RAD51C: variants seen among roughly 807,000 people sequenced by gnomAD.
The protein encoded by RAD51C is RAD51 paralog C, also known as DNA repair protein RAD51 homolog 3.
RAD51C carries 42 observed loss-of-function variants against 45.0 expected under a neutral mutation model. That is an observed-to-expected ratio of 0.93 (90% CI 0.73 to 1.21). RAD51C has a LOEUF of 1.21. Among genes scored for constraint, RAD51C ranks in the 50% most tolerant of loss-of-function variants. The pLI, the probability that RAD51C is intolerant of heterozygous loss-of-function variation, is 0.00. For missense variants in RAD51C, 474 were observed against 452.2 expected (o/e 1.05, Z -0.44); for synonymous variants, 172 against 159.8 (o/e 1.08, Z -0.58).
chr17:58,720,867 TC>T, intron 6 of RAD51C, 55 bp downstream of exon 6: 1 of 1,412,348 alleles, frequency 7.1e-7, no homozygotes, highest in Non-Finnish European at 9.9e-7. Flanking sequence ...CTTATCTCTT[TC>T]ATTTGATTCT....
chr17:58,718,044 T>C (rs1364589209), intron 5 of RAD51C, among the ~76,000 whole-genome samples: 3 of 152,196 alleles, frequency 2.0e-5, no homozygotes, highest in Admixed American at 2.0e-4. Flanking sequence ...TTGCCCAGGC[T>C]GGAGCGCAAT....
At chr17:58,726,414 GAT>G (rs1250932257) in intron 7 of RAD51C, among the ~76,000 whole-genome samples, 2 of 116,614 alleles carry the variant, frequency 1.7e-5, no homozygotes, top group Non-Finnish European at 1.7e-5. Context: ...TATATATATA[GAT>G]TATATGTATA....
intron 7 of RAD51C, among the ~76,000 whole-genome samples, chr17:58,724,421 T>G (rs138858961): frequency 2.0e-4 from 30 of 150,976 alleles, no homozygotes; most frequent in African/African-American, 6.4e-4. Flanking sequence ...GAGTACTCTG[T>G]GTTCCTGGAA....
At chr17:58,721,255 C>T (rs1357811903) in intron 6 of RAD51C, among the ~76,000 whole-genome samples, 1 of 152,114 alleles carries the variant, frequency 6.6e-6, no homozygotes, top group Non-Finnish European at 1.5e-5. Flanking sequence ...GCACTCCAGC[C>T]TGGGGGACAG....
chr17:58,695,316 TAAAC>T, intron 2 of RAD51C, 127 bp downstream of exon 2: 1 of 1,420,496 alleles, frequency 7.0e-7, no homozygotes, highest in Non-Finnish European at 9.2e-7. Context: ...GTATGTGCAT[TAAAC>T]AAAAATTAGC....
At chr17:58,716,772 CTT>C (rs754486379) in intron 5 of RAD51C, among the ~76,000 whole-genome samples, 13 of 115,626 alleles carry the variant, frequency 1.1e-4, no homozygotes, top group South Asian at 3.0e-4. Context: ...TCTAATGTAA[CTT>C]TTTTTTTTTT....
intron 4 of RAD51C, among the ~76,000 whole-genome samples, chr17:58,705,490 C>T (rs1333589046): frequency 3.3e-5 from 5 of 151,996 alleles, no homozygotes; most frequent in South Asian, 2.1e-4. Flanking sequence ...CATGCCACCA[C>T]GCCTGGCTAA....
chr17:58,724,734 T>C (rs771364680), intron 7 of RAD51C, among the ~76,000 whole-genome samples: 1 of 152,152 alleles, frequency 6.6e-6, no homozygotes, highest in Non-Finnish European at 1.5e-5. Context: ...AAATAGACCA[T>C]TGAAAGCTGT....
intron 5 of RAD51C, among the ~76,000 whole-genome samples, chr17:58,720,121 C>A (rs1221938579): frequency 6.6e-6 from 1 of 150,676 alleles, no homozygotes; most frequent in Non-Finnish European, 1.5e-5. Flanking sequence ...TTTCATATTA[C>A]TAAAATCACA....
chr17:58,706,282 C>G (rs1445895064), intron 4 of RAD51C, among the ~76,000 whole-genome samples: 1 of 151,966 alleles, frequency 6.6e-6, no homozygotes, highest in Non-Finnish European at 1.5e-5. Flanking sequence ...CAAAAATTAG[C>G]CGGGCATGGT....
intron 2 of RAD51C, among the ~76,000 whole-genome samples, chr17:58,696,170 C>T (rs1016781553): frequency 3.9e-5 from 6 of 151,936 alleles, no homozygotes; most frequent in Admixed American, 2.6e-4. Flanking sequence ...CAGTGGCTGA[C>T]GCTTGTAATC....
intron 3 of RAD51C, 62 bp downstream of exon 3, chr17:58,696,921 A>T (rs1266985231): frequency 1.0e-5 from 16 of 1,558,054 alleles, no homozygotes; most frequent in Non-Finnish European, 1.4e-5. Context: ...ATTTGTGCCC[A>T]TCTGAGACCT....
At chr17:58,730,636 A>G (rs1276305932) in intron 7 of RAD51C, among the ~76,000 whole-genome samples, 1 of 152,178 alleles carries the variant, frequency 6.6e-6, no homozygotes, top group African/African-American at 2.4e-5. Flanking sequence ...TTAAGAGAGT[A>G]ACAGATCATA....
intron 5 of RAD51C, 25 bp from the exon 6 acceptor site, chr17:58,720,721 A>G (rs1461675859): frequency 2.5e-6 from 4 of 1,570,404 alleles, no homozygotes; most frequent in Non-Finnish European, 3.5e-6. Context: ...GACTCACCTA[A>G]TTTTCTTACA....
At chr17:58,699,541 T>A (rs557392593) in intron 3 of RAD51C, among the ~76,000 whole-genome samples, 1 of 152,214 alleles carries the variant, frequency 6.6e-6, no homozygotes, top group East Asian at 1.9e-4. Flanking sequence ...TATGCCACCC[T>A]GAAATATGCC....
rs1567785745 is a variant in RAD51C, at chr17:58,694,954, G to A, written c.169G>A (p.Ala57Thr). 1 of 1,613,894 alleles carries A rather than the reference G, an allele frequency of 6.2e-7. No individual in the cohort carries two copies. Among genetic ancestry groups the A allele is most frequent in the Admixed American group, 1.7e-5 (1 of 59,984 alleles). The change falls in exon 2 of 9, where the codon GCC becomes ACC. Residue 57 changes from alanine to threonine, a missense_variant. Transcript: ENST00000337432. ...AGAAGTTGGGATATCTAAAGCAGAA[G>A]CCTTAGAAACTCTGCAAATTATCAG... ...SKEVGISKAE[A>T]LETLQIIRRE...
rs1598540478 is a variant in RAD51C, at chr17:58,734,211, G to A, written c.1120G>A (p.Glu374Lys). The A allele has an allele frequency of 1.2e-6, 2 of 1,611,680 alleles. No individual in the cohort carries two copies. The highest frequency in any genetic ancestry group is 3.3e-4 in the Middle Eastern group (2 of 6,060). Residue 374 changes from glutamate to lysine, a missense_variant, in exon 9 of 9, where the codon GAA becomes AAA. Coordinates refer to ENST00000337432, the MANE Select transcript of RAD51C (RefSeq NM_058216.3). ...CCGGAAACGGTCACGAGACCCAGAG[G>A]AAGAATTATAACCCAGAAACAAATC... Reference protein sequence around the residue: ...STRKRSRDPEEEL With the variant: ...STRKRSRDPEKEL
intron 3 of RAD51C, among the ~76,000 whole-genome samples, chr17:58,698,293 C>T (rs2048091401): frequency 6.6e-6 from 1 of 151,412 alleles, no homozygotes; most frequent in Non-Finnish European, 1.5e-5. Context: ...TGCCATTCTC[C>T]TGCCTCAGCC....
At chr17:58,733,991 C>T (rs1018800554) in intron 8 of RAD51C, 127 bp from the exon 9 acceptor site, 4 of 1,410,832 alleles carry the variant, frequency 2.8e-6, no homozygotes, top group African/African-American at 2.9e-5. Context: ...GCTGGGATTA[C>T]AGGTGTGAGC....
Sources: gnomAD v4.1 joint callset for allele counts (sites outside exome capture counted in the v4.1 genomes callset) on GRCh38, gnomAD v4.1.1 for gene constraint, MANE v1.5 for transcripts, NCBI Gene and HGNC (gene_info 2026-07-23, HGNC 2026-07-21) for gene names.